Variants in MARCHF1 observed in about 807,000 individuals in gnomAD.
The protein encoded by MARCHF1 is E3 ubiquitin-protein ligase MARCHF1.
A neutral mutation model predicts 54.2 loss-of-function variants in MARCHF1; 40 were observed. The ratio of observed to expected loss-of-function variants is 0.74; its 90% CI spans 0.57 to 0.96. The LOEUF is 0.96. Ranked by LOEUF, MARCHF1 falls within the 40% of genes least tolerant of loss-of-function variation. The pLI is 0.00. For synonymous variants in MARCHF1, 236 were observed against 236.3 expected (o/e 1.00, Z 0.01); for missense variants, 586 against 656.5 (o/e 0.89, Z 1.17).
chr4:164,326,678 TTG>T (rs1561003563), intron 1 of MARCHF1, among the ~76,000 whole-genome samples: 1 of 152,196 alleles, frequency 6.6e-6, no homozygotes, highest in Non-Finnish European at 1.5e-5. Flanking sequence ...GTTTATGAAG[TTG>T]TATTTATATA....
chr4:164,256,463 G>T (rs1345149354), intron 1 of MARCHF1, among the ~76,000 whole-genome samples: 1 of 142,902 alleles, frequency 7.0e-6, no homozygotes, highest in Non-Finnish European at 1.5e-5. Flanking sequence ...GAAAAGAAAA[G>T]AAAAAGAAAG....
intron 3 of MARCHF1, among the ~76,000 whole-genome samples, chr4:163,880,671 A>C (rs925289717): frequency 2.6e-5 from 4 of 152,050 alleles, no homozygotes; most frequent in African/African-American, 9.7e-5. Context: ...GATTCTGCCA[A>C]CTATTGTTGG....
intron 3 of MARCHF1, among the ~76,000 whole-genome samples, chr4:163,952,271 C>T (rs78660905): frequency 0.013 from 1,975 of 152,122 alleles, 46 homozygotes; most frequent in African/African-American, 0.045. Context: ...GCCTATATAA[C>T]GATACACACT....
chr4:164,180,872 A>T (rs1484910306), intron 1 of MARCHF1, among the ~76,000 whole-genome samples: 1 of 152,136 alleles, frequency 6.6e-6, no homozygotes, highest in East Asian at 1.9e-4. Context: ...CTCTAGTCCA[A>T]CCTGCCATCT....
chr4:163,747,270 C>G (rs1248831718), intron 4 of MARCHF1, among the ~76,000 whole-genome samples: 2 of 152,148 alleles, frequency 1.3e-5, no homozygotes, highest in Non-Finnish European at 2.9e-5. Flanking sequence ...CTGACTGGAA[C>G]AAAATACCTC....
At chr4:163,902,940 G>C (rs1266404343) in intron 3 of MARCHF1, among the ~76,000 whole-genome samples, 1 of 151,774 alleles carries the variant, frequency 6.6e-6, no homozygotes, top group African/African-American at 2.4e-5. Flanking sequence ...CTTTCCCTTC[G>C]AGAGGCACAT....
At chr4:163,993,808 A>T (rs1258289190) in intron 2 of MARCHF1, among the ~76,000 whole-genome samples, 1 of 152,176 alleles carries the variant, frequency 6.6e-6, no homozygotes, top group Non-Finnish European at 1.5e-5. Flanking sequence ...GTAACATGTT[A>T]GAAGTAATCA....
intron 4 of MARCHF1, among the ~76,000 whole-genome samples, chr4:163,835,662 C>G (rs528418755): frequency 5.3e-5 from 8 of 152,334 alleles, no homozygotes; most frequent in African/African-American, 1.9e-4. Context: ...TTTACTCTGG[C>G]TCCGGAGGCT....
intron 7 of MARCHF1, among the ~76,000 whole-genome samples, chr4:163,607,687 C>T (rs1741188992): frequency 6.6e-6 from 1 of 152,106 alleles, no homozygotes; most frequent in African/African-American, 2.4e-5. Context: ...CAAATACATT[C>T]TTTAGATTCT....
chr4:163,864,630 G>T (rs188731762), intron 3 of MARCHF1, among the ~76,000 whole-genome samples: 1 of 152,024 alleles, frequency 6.6e-6, no homozygotes, highest in Admixed American at 6.6e-5. Context: ...TAGGAGAAAT[G>T]GGGTGTAGAG....
intron 1 of MARCHF1, among the ~76,000 whole-genome samples, chr4:164,120,695 C>A (rs903050142): frequency 6.6e-6 from 1 of 151,906 alleles, no homozygotes; most frequent in African/African-American, 2.4e-5. Context: ...GAAAATGATG[C>A]AAATACATGG....
At chr4:163,833,436 C>T (rs986145536) in intron 4 of MARCHF1, among the ~76,000 whole-genome samples, 31 of 152,028 alleles carry the variant, frequency 2.0e-4, no homozygotes, top group African/African-American at 7.5e-4. Context: ...AGGCAACCTA[C>T]AGAATGGGAG....
At chr4:163,683,521 A>G (rs1022155901) in intron 5 of MARCHF1, among the ~76,000 whole-genome samples, 4 of 152,196 alleles carry the variant, frequency 2.6e-5, no homozygotes, top group African/African-American at 9.7e-5. Context: ...TCATCTAAAA[A>G]ATATTAAAGA....
intron 5 of MARCHF1, among the ~76,000 whole-genome samples, chr4:163,649,896 C>T (rs1280870057): frequency 2.0e-5 from 3 of 151,888 alleles, no homozygotes; most frequent in Non-Finnish European, 4.4e-5. Context: ...TTCCTGATTA[C>T]TAGAGACAAA....
At chr4:163,838,832 T>A (rs1019695721) in intron 4 of MARCHF1, among the ~76,000 whole-genome samples, 5 of 152,062 alleles carry the variant, frequency 3.3e-5, no homozygotes, top group Admixed American at 2.0e-4. Flanking sequence ...ATCTTTGTGA[T>A]CTTTGGTTAG....
intron 7 of MARCHF1, among the ~76,000 whole-genome samples, chr4:163,586,663 T>C (rs2110829009): frequency 6.6e-6 from 1 of 152,312 alleles, no homozygotes; most frequent in African/African-American, 2.4e-5. Context: ...ATGTCCCCAA[T>C]TTAATCTATT....
intron 9 of MARCHF1, among the ~76,000 whole-genome samples, chr4:163,533,238 AAG>A (rs1738414649): frequency 6.6e-6 from 1 of 152,018 alleles, no homozygotes; most frequent in African/African-American, 2.4e-5. Context: ...TGCTAAATAA[AAG>A]AGGTCAGTCT....
rs1054096159 is a variant in MARCHF1 at position 164,145,651 on chromosome 4, A to T, written c.-322-33989T>A. 4.5e-4 allele frequency among the ~76,000 whole-genome samples: 68 copies of T among 152,110 alleles called. 1 individual carries two copies. The highest frequency in any genetic ancestry group is 7.3e-5 in the Non-Finnish European group (5 of 68,030). ...TCATGCCAAAAACTCTCAATAAATT[A>T]GGTATTGATGGGACATATCTCAAAA... On this transcript the variant is annotated intron_variant, in intron 1 of 9. Coordinates refer to ENST00000514618, the MANE Select transcript of MARCHF1 (RefSeq NM_001394959.1).
chr4:164,110,214 G>GT (rs1172482078), intron 2 of MARCHF1, among the ~76,000 whole-genome samples: 1 of 150,618 alleles, frequency 6.6e-6, no homozygotes, highest in African/African-American at 2.4e-5. Flanking sequence ...ATTGAATGAG[G>GT]TTTTTTTAGG....
Sources: allele counts gnomAD v4.1 joint callset (sites outside exome capture counted in the v4.1 genomes callset), GRCh38; gene constraint gnomAD v4.1.1; transcripts MANE v1.5; gene names NCBI Gene and HGNC (gene_info 2026-07-23, HGNC 2026-07-21).